NRXN3: variants seen among roughly 807,000 people sequenced by gnomAD.
NRXN3 encodes neurexin 3.
A neutral mutation model predicts 137.6 loss-of-function variants in NRXN3; 32 were observed. The observed-to-expected ratio is 0.23, with a 90% CI of 0.18 to 0.31. The LOEUF is 0.31. Among genes scored for constraint, NRXN3 ranks in the 10% least tolerant of loss-of-function variants. NRXN3 has a pLI of 1.00. For synonymous variants in NRXN3, 798 were observed against 784.5 expected, an observed-to-expected ratio of 1.02 and a Z score of -0.29; for missense variants, 1,574 against 2,062.5, an observed-to-expected ratio of 0.76 and a Z score of 4.59.
At chr14:78,398,372 G>T (rs1393448093) in intron 4 of NRXN3, among the ~76,000 whole-genome samples, 1 of 152,060 alleles carries the variant, frequency 6.6e-6, no homozygotes, top group Non-Finnish European at 1.5e-5. Flanking sequence ...ATTATTTTGA[G>T]ACTCTGGGTC....
At chr14:79,027,818 T>A (rs1213279211) in intron 15 of NRXN3, among the ~76,000 whole-genome samples, 2 of 152,152 alleles carry the variant, frequency 1.3e-5, no homozygotes, top group Non-Finnish European at 2.9e-5. Flanking sequence ...AAGGAAAGAA[T>A]GTGAATCCAC....
chr14:78,246,845 A>G (rs539694514), intron 2 of NRXN3, among the ~76,000 whole-genome samples: 78 of 152,202 alleles, frequency 5.1e-4, no homozygotes, highest in Non-Finnish European at 1.0e-3. Flanking sequence ...GTAGAGAGAA[A>G]TGCATCCATT....
At chr14:79,243,821 G>A in intron 15 of NRXN3, among the ~76,000 whole-genome samples, 1 of 152,034 alleles carries the variant, frequency 6.6e-6, no homozygotes, top group South Asian at 2.1e-4. Flanking sequence ...CATATATGCA[G>A]TTTATCATTG....
intron 1 of NRXN3, among the ~76,000 whole-genome samples, chr14:78,224,683 C>T (rs1300672558): frequency 6.9e-6 from 1 of 144,208 alleles, no homozygotes; most frequent in Admixed American, 6.9e-5. Context: ...CATTATTGGA[C>T]ATTTGGGTTG....
intron 15 of NRXN3, among the ~76,000 whole-genome samples, chr14:79,118,456 G>T (rs2054842129): frequency 3.3e-5 from 5 of 152,198 alleles, no homozygotes; most frequent in Admixed American, 2.6e-4. Flanking sequence ...GTGTTGATGT[G>T]AGAGTCCTCA....
intron 4 of NRXN3, among the ~76,000 whole-genome samples, chr14:78,514,857 A>T (rs2096177229): frequency 6.6e-6 from 1 of 152,156 alleles, no homozygotes; most frequent in African/African-American, 2.4e-5. Context: ...TGAATGAAGA[A>T]TGGAAGCCAT....
intron 15 of NRXN3, among the ~76,000 whole-genome samples, chr14:79,179,738 A>C (rs1396620602): frequency 6.6e-6 from 1 of 152,182 alleles, no homozygotes; most frequent in Non-Finnish European, 1.5e-5. Flanking sequence ...TTTGTTTGCT[A>C]TAAATAACTG....
At chr14:79,540,262 T>TTATATAAATATATACTTATATATA (rs1385819850) in intron 16 of NRXN3, among the ~76,000 whole-genome samples, 2 of 151,134 alleles carry the variant, frequency 1.3e-5, no homozygotes, top group Admixed American at 1.3e-4. Context: ...GTGCTGGGTA[T>TTATATAAATATATACTTATATATA]TATGCATATA....
At chr14:78,230,851 A>G (rs2065296584) in intron 1 of NRXN3, among the ~76,000 whole-genome samples, 1 of 152,072 alleles carries the variant, frequency 6.6e-6, no homozygotes, top group South Asian at 2.1e-4. Context: ...TATGTTGAAA[A>G]CCACTGGAGG....
chr14:79,717,014 T>G (rs146561242), intron 19 of NRXN3, among the ~76,000 whole-genome samples: 57 of 152,340 alleles, frequency 3.7e-4, no homozygotes, highest in African/African-American at 1.3e-3. Flanking sequence ...TCTGTTGCAT[T>G]TAAATGCTAT....
chr14:79,610,983 G>C (rs2098091270), intron 16 of NRXN3, among the ~76,000 whole-genome samples: 1 of 152,146 alleles, frequency 6.6e-6, no homozygotes, highest in South Asian at 2.1e-4. Flanking sequence ...CTAGAGTATG[G>C]GGTTTTCTAC....
At chr14:79,716,214 G>T (rs2154057052) in intron 19 of NRXN3, among the ~76,000 whole-genome samples, 1 of 152,286 alleles carries the variant, frequency 6.6e-6, no homozygotes, top group Non-Finnish European at 1.5e-5. Flanking sequence ...GTGAAAATTG[G>T]AGACATGAAT....
chr14:79,202,769 C>G (rs1435588568), intron 15 of NRXN3, among the ~76,000 whole-genome samples: 3 of 152,054 alleles, frequency 2.0e-5, no homozygotes, highest in Non-Finnish European at 4.4e-5. Flanking sequence ...GTTTCTTTAT[C>G]CACTCATTGA....
At position 78,740,544 on chromosome 14, in the gene NRXN3, C is replaced by CTTT. The variant is rs11389703; in HGVS notation, c.2044+25417_2044+25419dup. ...CAATTTTTTTCTTCTCTTTTCTTTT[C>CTTT]TTTTTTTTTTTTTTACACATTAGCC... is the stretch of plus-strand genomic sequence containing the variant. On this transcript the variant is annotated intron_variant, in intron 8 of 20. Coordinates refer to ENST00000335750, the MANE Select transcript of NRXN3 (RefSeq NM_001330195.2). Among the ~76,000 whole-genome samples, 32 of 142,150 alleles carry CTTT rather than the reference C, an allele frequency of 2.3e-4. No homozygotes were observed. The South Asian group carries it at 5.6e-3, about 25-fold the overall frequency. 93.3% of individuals were successfully genotyped at this position (142,150 alleles called of 152,430 possible).
rs371413883 is a variant in NRXN3, at chr14:79,470,951, A to AGT, written c.3444+3594_3444+3595dup. On this transcript the variant is annotated intron_variant, in intron 16 of 20. Coordinates refer to ENST00000335750, the MANE Select transcript of NRXN3 (RefSeq NM_001330195.2). ...GAGAGAGAGAGAGAAAGAGAGAGAG[A>AGT]GTGTGTGTGTGTGTGTGTGTGTGTG... 7.5e-3 allele frequency among the ~76,000 whole-genome samples: 870 copies of AGT among 116,466 alleles called. 9 individuals carry two copies. The highest frequency in any genetic ancestry group is 0.024 in the Middle Eastern group (5 of 210). 76.4% of individuals were successfully genotyped at this position (116,466 alleles called of 152,430 possible).
intron 2 of NRXN3, among the ~76,000 whole-genome samples, chr14:78,253,833 G>A (rs1198300829): frequency 1.9e-5 from 2 of 105,214 alleles, no homozygotes; most frequent in African/African-American, 3.8e-5. Context: ...CTAGCCATCT[G>A]CAATAATGGG....
chr14:79,321,082 ATG>A (rs1161279670), intron 15 of NRXN3, among the ~76,000 whole-genome samples: 7 of 152,062 alleles, frequency 4.6e-5, no homozygotes, highest in African/African-American at 1.7e-4. Context: ...CCATATGCTC[ATG>A]TGTGTTTTAT....
intron 15 of NRXN3, among the ~76,000 whole-genome samples, chr14:79,135,684 T>C (rs1596355717): frequency 6.6e-6 from 1 of 152,318 alleles, no homozygotes; most frequent in East Asian, 1.9e-4. Flanking sequence ...AATAAGTGGC[T>C]GTTAAAGGAG....
chr14:78,656,906 G>A (rs1444838798), intron 6 of NRXN3, among the ~76,000 whole-genome samples: 2 of 151,860 alleles, frequency 1.3e-5, no homozygotes, highest in African/African-American at 4.8e-5. Flanking sequence ...AATTAGCTGG[G>A]CGTGGTGGCG....
Sources: gnomAD v4.1 joint callset for allele counts (sites outside exome capture counted in the v4.1 genomes callset) on GRCh38, gnomAD v4.1.1 for gene constraint, MANE v1.5 for transcripts, NCBI Gene and HGNC (gene_info 2026-07-23, HGNC 2026-07-21) for gene names.